The following RAP1GDS1 variants were observed in gnomAD, a reference collection of about 807,000 sequenced individuals.
RAP1GDS1 encodes RAP1, GTP-GDP dissociation stimulator 1.
RAP1GDS1 carries 35 observed loss-of-function variants against 71.1 expected under a neutral mutation model. The ratio of observed to expected loss-of-function variants is 0.49; its 90% CI spans 0.38 to 0.65. The LOEUF is 0.65. Ranked by LOEUF, RAP1GDS1 falls within the 30% of genes least tolerant of loss-of-function variation. The pLI is 0.00. For missense variants in RAP1GDS1, 663 were observed against 706.1 expected (o/e 0.94, Z 0.69); for synonymous variants, 229 against 243.1 (o/e 0.94, Z 0.54).
chr4:98,261,427 G>A lies in RAP1GDS1; in HGVS notation c.-139G>A, dbSNP rs570196175. On this transcript the variant is annotated 5_prime_UTR_variant, in exon 1 of 15. Coordinates refer to ENST00000408927, the MANE Select transcript of RAP1GDS1 (RefSeq NM_001100427.2). ...CGCGCCGCCTGCAGCAGCACCAGCT[G>A]CTCCTCCCCGGCGGCCGCCCCCCGC... is the stretch of plus-strand genomic sequence containing the variant. 61 of 692,388 alleles carry A rather than the reference G, an allele frequency of 8.8e-5. No homozygotes were observed. In the African/African-American group the frequency reaches 1.0e-3, roughly 12 times the overall value. 42.9% of individuals were successfully genotyped at this position (692,388 alleles called of 1,614,324 possible).
chr4:98,301,387 T>C (rs1728567483), intron 2 of RAP1GDS1, among the ~76,000 whole-genome samples: 1 of 152,056 alleles, frequency 6.6e-6, no homozygotes, highest in Admixed American at 6.6e-5. Flanking sequence ...TCCTGATGGG[T>C]TGAGACTCCT....
At chr4:98,283,707 G>T (rs994434988) in intron 1 of RAP1GDS1, among the ~76,000 whole-genome samples, 1 of 151,702 alleles carries the variant, frequency 6.6e-6, no homozygotes, top group African/African-American at 2.4e-5. Flanking sequence ...ACTTTTTCTA[G>T]AATTTATTAT....
In RAP1GDS1 at chr4:98,416,648, C is replaced by T. The variant is rs1480759131; in HGVS notation, c.764-97C>T. 2.5e-6 allele frequency: 3 copies of T among 1,190,454 alleles called. No homozygotes were observed. In the African/African-American group the frequency reaches 4.6e-5, roughly 18 times the overall value. 73.7% of individuals were successfully genotyped at this position (1,190,454 alleles called of 1,614,324 possible). On this transcript the variant is annotated intron_variant, in intron 7 of 14. Transcript: ENST00000408927. Reference sequence around the variant, plus strand: ...TACAGGCGTGAGCCACCGCACCTGGCCCTCTTAGTTTCTTATAATTCTTTA... The same window carrying T: ...TACAGGCGTGAGCCACCGCACCTGGTCCTCTTAGTTTCTTATAATTCTTTA...
intron 2 of RAP1GDS1, among the ~76,000 whole-genome samples, chr4:98,299,202 C>T (rs1289294298): frequency 6.6e-6 from 1 of 152,178 alleles, no homozygotes; most frequent in African/African-American, 2.4e-5. Context: ...ATGATGGTTT[C>T]TAGCTTCTTC....
chr4:98,416,386 G>C (rs1488166267), intron 7 of RAP1GDS1, among the ~76,000 whole-genome samples: 1 of 99,258 alleles, frequency 1.0e-5, no homozygotes, highest in Admixed American at 1.7e-4. Flanking sequence ...TCGCTCTATT[G>C]CCCAGGCTGG....
At chr4:98,330,865 G>T (rs185892128) in intron 2 of RAP1GDS1, among the ~76,000 whole-genome samples, 300 of 152,304 alleles carry the variant, frequency 2.0e-3, no homozygotes, top group African/African-American at 7.1e-3. Flanking sequence ...GGGCGGCCAG[G>T]CAGAGATGCT....
At chr4:98,275,018 C>CTGTGTG (rs3974887) in intron 1 of RAP1GDS1, among the ~76,000 whole-genome samples, 45 of 144,928 alleles carry the variant, frequency 3.1e-4, no homozygotes, top group South Asian at 1.1e-3. Flanking sequence ...TTGTTTGCAG[C>CTGTGTG]TGTGTGTGTG....
intron 2 of RAP1GDS1, among the ~76,000 whole-genome samples, chr4:98,306,093 A>G (rs897246118): frequency 3.9e-5 from 6 of 152,222 alleles, no homozygotes; most frequent in African/African-American, 1.4e-4. Flanking sequence ...CACTGCACCT[A>G]TAGCCAGCTG....
intron 6 of RAP1GDS1, among the ~76,000 whole-genome samples, chr4:98,399,332 C>T (rs1313029095): frequency 1.3e-5 from 2 of 152,114 alleles, no homozygotes; most frequent in African/African-American, 4.8e-5. Context: ...GGGATTTATT[C>T]CAGAATATCC....
At chr4:98,263,226 C>T (rs1271577632) in intron 1 of RAP1GDS1, among the ~76,000 whole-genome samples, 1 of 152,056 alleles carries the variant, frequency 6.6e-6, no homozygotes, top group Non-Finnish European at 1.5e-5. Flanking sequence ...TGTCCAATAA[C>T]CCTATCTGAT....
chr4:98,386,575 CTTT>C (rs905921745), intron 5 of RAP1GDS1, among the ~76,000 whole-genome samples: 107 of 136,514 alleles, frequency 7.8e-4, no homozygotes, highest in African/African-American at 2.8e-3. Flanking sequence ...TGAATGTTGG[CTTT>C]TTTTTTTTTT....
chr4:98,419,967 T>C (rs1748577178), intron 10 of RAP1GDS1, 52 bp from the exon 11 acceptor site: 1 of 1,480,334 alleles, frequency 6.8e-7, no homozygotes, highest in Admixed American at 2.1e-5. Flanking sequence ...ATTGAATGTT[T>C]ATCAACAGGA....
At chr4:98,363,465 T>G in intron 4 of RAP1GDS1, among the ~76,000 whole-genome samples, 2 of 101,636 alleles carry the variant, frequency 2.0e-5, no homozygotes, top group South Asian at 3.0e-4. Flanking sequence ...TAAATAACAG[T>G]GAGACCCTGT....
At chr4:98,348,476 A>G (rs1736645377) in intron 3 of RAP1GDS1, among the ~76,000 whole-genome samples, 1 of 152,182 alleles carries the variant, frequency 6.6e-6, no homozygotes, top group African/African-American at 2.4e-5. Flanking sequence ...CTTTGGGTAT[A>G]TACCCAGTAA....
chr4:98,333,269 AAC>A (rs1734250053), intron 2 of RAP1GDS1, among the ~76,000 whole-genome samples: 1 of 152,028 alleles, frequency 6.6e-6, no homozygotes, highest in Non-Finnish European at 1.5e-5. Context: ...TTTCATCGAA[AAC>A]ACATTTTTGT....
chr4:98,281,249 G>T (rs1725042839), intron 1 of RAP1GDS1, among the ~76,000 whole-genome samples: 1 of 152,184 alleles, frequency 6.6e-6, no homozygotes, highest in Admixed American at 6.5e-5. Context: ...CATGAGCATA[G>T]AATGTTCTTC....
intron 6 of RAP1GDS1, among the ~76,000 whole-genome samples, chr4:98,397,936 T>A (rs1414632949): frequency 6.6e-6 from 1 of 152,144 alleles, no homozygotes; most frequent in African/African-American, 2.4e-5. Context: ...TAAAGTTATT[T>A]ATATTGAGGG....
Position 98,410,263 on chromosome 4 carries a change from A to G in RAP1GDS1, c.763+5661A>G, listed in dbSNP as rs140821494. Among the ~76,000 whole-genome samples, 407 of 152,330 alleles carry G rather than the reference A, an allele frequency of 2.7e-3. 3 individuals carry two copies. The highest frequency in any genetic ancestry group is 9.5e-3 in the African/African-American group (394 of 41,586). On this transcript the variant is annotated intron_variant, in intron 7 of 14. Coordinates refer to ENST00000408927, the MANE Select transcript of RAP1GDS1 (RefSeq NM_001100427.2). ...CTTAAAAATCATTAAGAAAAATGTGAAAAACATTTTAATAAGCACTTGACA... is the reference window on the plus strand; with the variant it reads ...CTTAAAAATCATTAAGAAAAATGTGGAAAACATTTTAATAAGCACTTGACA...
chr4:98,348,122 C>T (rs867944420), intron 3 of RAP1GDS1, among the ~76,000 whole-genome samples: 1 of 152,056 alleles, frequency 6.6e-6, no homozygotes, highest in Non-Finnish European at 1.5e-5. Context: ...CCCGTACCCC[C>T]ACCCCACAAC....
Sources: gnomAD v4.1 joint callset for allele counts (sites outside exome capture counted in the v4.1 genomes callset) on GRCh38, gnomAD v4.1.1 for gene constraint, MANE v1.5 for transcripts, NCBI Gene and HGNC (gene_info 2026-07-23, HGNC 2026-07-21) for gene names.